Variants in WWOX observed in about 807,000 individuals in gnomAD.
WWOX encodes the protein WW domain containing oxidoreductase, also known as WW domain-containing oxidoreductase.
In WWOX, 69 loss-of-function variants were observed where a neutral mutation model predicts 46.2. The observed-to-expected ratio is 1.49, with a 90% CI of 1.23 to 1.82. The LOEUF (loss-of-function observed/expected upper bound fraction) is 1.82, where lower values mean the gene tolerates loss of function less well. WWOX is among the 40% of genes most tolerant of loss of function. The probability of loss-of-function intolerance (pLI) is 0.00; values close to 1 mark genes in which losing one functional copy is unlikely to be tolerated. For synonymous variants in WWOX, 359 were observed against 202.6 expected, an observed-to-expected ratio of 1.77 and a Z score of -6.56; for missense variants, 919 against 542.6, an observed-to-expected ratio of 1.69 and a Z score of -6.89.
chr16:78,898,644 T>G (rs2044755918), intron 8 of WWOX: 1 of 152,178 alleles, frequency 6.6e-6, no homozygotes. Context: ...TCCATTTCTT[T>G]TAAAAAGCCT....
At chr16:78,749,335 A>G (rs1270807345) in intron 8 of WWOX, among the ~76,000 whole-genome samples, 1 of 152,230 alleles carries the variant, frequency 6.6e-6, no homozygotes, top group Admixed American at 6.5e-5. Context: ...TGGACTTTCA[A>G]GACAGCTGAA....
chr16:78,264,005 T>G (rs2079306361), intron 5 of WWOX, among the ~76,000 whole-genome samples: 1 of 138,786 alleles, frequency 7.2e-6, no homozygotes, highest in Non-Finnish European at 1.5e-5. Flanking sequence ...TCTTTTTTTT[T>G]TTTTTTTTTT....
intron 8 of WWOX, among the ~76,000 whole-genome samples, chr16:79,130,070 C>A (rs1373474832): frequency 3.9e-5 from 6 of 152,122 alleles, no homozygotes. Flanking sequence ...ATTGGAATAA[C>A]CGTGTAAGGT....
chr16:78,299,502 ATTTCT>A lies in WWOX; in HGVS notation c.517-87339_517-87335del, dbSNP rs1161294285. On this transcript the variant is annotated intron_variant, in intron 5 of 8. Transcript: ENST00000566780. Reference sequence around the variant, plus strand: ...GAGCTGTGATTTCAAATTCCATTCCATTTCTTTTCTTTTCTTTTCTTTTTTTTTTT... The same window carrying A: ...GAGCTGTGATTTCAAATTCCATTCCATTTCTTTTCTTTTCTTTTTTTTTTT... Among the ~76,000 whole-genome samples, 27 of 148,224 alleles carry A rather than the reference ATTTCT, an allele frequency of 1.8e-4. No homozygotes were observed. In the South Asian group the frequency reaches 2.1e-3, roughly 12 times the overall value.
intron 5 of WWOX, among the ~76,000 whole-genome samples, chr16:78,255,056 T>C (rs2038090817): frequency 6.6e-6 from 1 of 152,242 alleles, no homozygotes; most frequent in African/African-American, 2.4e-5. Flanking sequence ...GTGCCACCCA[T>C]GGCTTCCCCT....
chr16:78,678,295 G>T (rs1036239314), intron 8 of WWOX, among the ~76,000 whole-genome samples: 1 of 152,184 alleles, frequency 6.6e-6, no homozygotes, highest in Non-Finnish European at 1.5e-5. Flanking sequence ...AGGATCGCTT[G>T]AGCCCAGGAG....
intron 8 of WWOX, among the ~76,000 whole-genome samples, chr16:78,762,911 T>G (rs2049828702): frequency 6.6e-6 from 1 of 152,200 alleles, no homozygotes; most frequent in Admixed American, 6.5e-5. Flanking sequence ...GTAAGTGTTA[T>G]TATTGAAGGC....
intron 8 of WWOX, among the ~76,000 whole-genome samples, chr16:78,653,584 C>T (rs536815700): frequency 7.0e-4 from 106 of 152,334 alleles, no homozygotes; most frequent in African/African-American, 2.2e-3. Flanking sequence ...TGGACACTGG[C>T]GCAGCCTGGA....
At position 78,770,232 on chromosome 16, in the gene WWOX, T is replaced by C. The variant is rs1271412279; in HGVS notation, c.1056+337480T>C. Among the ~76,000 whole-genome samples, 6 of 152,208 alleles carry C rather than the reference T, an allele frequency of 3.9e-5. No individual in the cohort carries two copies. In the East Asian group the frequency reaches 9.7e-4, roughly 25 times the overall value. ...CGGGGTTGGTGGTGTGCTCCTGTAGTTCCAGCTACTTGGGAGGCTGAGGCA... is the reference window on the plus strand; with the variant it reads ...CGGGGTTGGTGGTGTGCTCCTGTAGCTCCAGCTACTTGGGAGGCTGAGGCA... On this transcript the variant is annotated intron_variant, in intron 8 of 8. Coordinates refer to ENST00000566780, the MANE Select transcript of WWOX (RefSeq NM_016373.4).
chr16:79,040,250 A>G (rs538750127), intron 8 of WWOX, among the ~76,000 whole-genome samples: 57 of 149,158 alleles, frequency 3.8e-4, no homozygotes, highest in African/African-American at 1.4e-3. Flanking sequence ...TCTCAGGTAC[A>G]TTTCAGTTCA....
At chr16:78,443,818 C>T (rs72799912) in intron 8 of WWOX, among the ~76,000 whole-genome samples, 3,654 of 152,040 alleles carry the variant, frequency 0.024, 95 homozygotes, top group South Asian at 0.14. Context: ...GTTTGTGGTG[C>T]CTTCTTTGAT....
chr16:78,670,711 C>T (rs1378406304), intron 8 of WWOX, among the ~76,000 whole-genome samples: 3 of 151,790 alleles, frequency 2.0e-5, no homozygotes, highest in East Asian at 3.9e-4. Flanking sequence ...AGAGTCTTGC[C>T]ATCTTGCCCA....
At chr16:79,060,910 C>T (rs1403636352) in intron 8 of WWOX, among the ~76,000 whole-genome samples, 2 of 152,154 alleles carry the variant, frequency 1.3e-5, no homozygotes, top group African/African-American at 2.4e-5. Context: ...AACTTCCATC[C>T]ACCCAAAAGC....
chr16:78,330,744 G>A (rs1024437173), intron 5 of WWOX, among the ~76,000 whole-genome samples: 3 of 152,174 alleles, frequency 2.0e-5, no homozygotes, highest in African/African-American at 7.2e-5. Context: ...TTCTGAACAT[G>A]TCAGTGAAGT....
chr16:78,455,122 C>G (rs532240942), intron 8 of WWOX, among the ~76,000 whole-genome samples: 1 of 152,152 alleles, frequency 6.6e-6, no homozygotes, highest in Admixed American at 6.5e-5. Flanking sequence ...TGTGGCTTTT[C>G]TGTCTTGAGG....
At chr16:78,959,778 A>AGGGTGT (rs1232168130) in intron 8 of WWOX, among the ~76,000 whole-genome samples, 1 of 152,162 alleles carries the variant, frequency 6.6e-6, no homozygotes, top group African/African-American at 2.4e-5. Flanking sequence ...GAGACAAGTG[A>AGGGTGT]GGGAAAGATG....
At chr16:78,225,681 C>A (rs185811756) in intron 5 of WWOX, among the ~76,000 whole-genome samples, 45 of 152,324 alleles carry the variant, frequency 3.0e-4, no homozygotes, top group Admixed American at 8.5e-4. Flanking sequence ...ATTGTCCCAA[C>A]ACCAGTTATT....
intron 8 of WWOX, among the ~76,000 whole-genome samples, chr16:78,497,913 C>T (rs1358125165): frequency 2.0e-5 from 3 of 151,226 alleles, no homozygotes; most frequent in African/African-American, 7.3e-5. Flanking sequence ...TTTAACAAAG[C>T]ATCAGGGGGC....
chr16:78,806,839 T>G (rs552516840), intron 8 of WWOX, among the ~76,000 whole-genome samples: 1 of 152,292 alleles, frequency 6.6e-6, no homozygotes, highest in East Asian at 1.9e-4. Flanking sequence ...ATGGCCACTT[T>G]TGAAAGATGC....
Sources: gnomAD v4.1 joint callset for allele counts (sites outside exome capture counted in the v4.1 genomes callset) on GRCh38, gnomAD v4.1.1 for gene constraint, MANE v1.5 for transcripts, NCBI Gene and HGNC (gene_info 2026-07-23, HGNC 2026-07-21) for gene names.